C8orf88: variants seen among roughly 807,000 people sequenced by gnomAD.
The protein encoded by C8orf88 is chromosome 8 open reading frame 88.
Under a neutral mutation model 18.4 loss-of-function variants are expected in C8orf88, and 14 were observed. The observed-to-expected ratio is 0.76, with a 90% CI of 0.50 to 1.19. The LOEUF is 1.19. Among genes scored for constraint, C8orf88 ranks in the 50% most tolerant of loss-of-function variants. The pLI is 0.00. For missense variants in C8orf88, 116 were observed against 134.7 expected (o/e 0.86, Z 0.69); for synonymous variants, 45 against 42.9 (o/e 1.05, Z -0.19).
At chr8:90,966,360 G>C (rs1203902442) in intron 4 of C8orf88, among the ~76,000 whole-genome samples, 1 of 114,078 alleles carries the variant, frequency 8.8e-6, no homozygotes, top group Admixed American at 1.0e-4. Flanking sequence ...TTGTGGGGTG[G>C]GGGGAGGGGG....
intron 3 of C8orf88, 97 bp from the exon 4 acceptor site, chr8:90,971,238 A>T (rs1586163012): frequency 1.8e-6 from 1 of 561,180 alleles, no homozygotes. Context: ...TAATAAATGC[A>T]TTTAGTAGGA....
chr8:90,979,824 G>C (rs909763446), intron 2 of C8orf88, among the ~76,000 whole-genome samples: 1 of 152,092 alleles, frequency 6.6e-6, no homozygotes, highest in Admixed American at 6.5e-5. Flanking sequence ...ATAGCTTCAT[G>C]GGCAAAAGAA....
intron 4 of C8orf88, among the ~76,000 whole-genome samples, chr8:90,964,517 A>AT (rs1252179132): frequency 1.8e-4 from 28 of 151,838 alleles, no homozygotes; most frequent in African/African-American, 6.7e-4. Flanking sequence ...GAAATGCTAA[A>AT]GGGAATCCTT....
intron 2 of C8orf88, among the ~76,000 whole-genome samples, chr8:90,979,289 A>AG (rs1224137904): frequency 1.3e-5 from 2 of 152,160 alleles, no homozygotes; most frequent in Admixed American, 1.3e-4. Context: ...GCAGAGATGA[A>AG]GGGGGGTGGG....
At chr8:90,977,978 A>G (rs1461009775) in intron 3 of C8orf88, among the ~76,000 whole-genome samples, 1 of 151,784 alleles carries the variant, frequency 6.6e-6, no homozygotes, top group Non-Finnish European at 1.5e-5. Flanking sequence ...CAAAAGACAG[A>G]GAGAGAAAGA....
upstream of C8orf88, chr8:90,985,267 G>T (rs1811491500): frequency 6.9e-6 from 1 of 144,158 alleles, no homozygotes; most frequent in Admixed American, 6.9e-5. Context: ...GGGGCGGGGG[G>T]CGAGGGGCGG....
intron 4 of C8orf88, among the ~76,000 whole-genome samples, chr8:90,965,090 A>T (rs1053945068): frequency 6.6e-6 from 1 of 151,552 alleles, no homozygotes; most frequent in Admixed American, 6.6e-5. Context: ...AGATTGGTAG[A>T]ATGAATTTTT....
At chr8:90,973,839 T>C (rs184660694) in intron 3 of C8orf88, among the ~76,000 whole-genome samples, 91 of 152,144 alleles carry the variant, frequency 6.0e-4, no homozygotes, top group African/African-American at 1.9e-3. Context: ...CTTAAACAAA[T>C]GTATACCACT....
At chr8:90,962,876 C>G (rs932452459) in intron 4 of C8orf88, among the ~76,000 whole-genome samples, 2 of 151,438 alleles carry the variant, frequency 1.3e-5, no homozygotes, top group Admixed American at 6.6e-5. Context: ...TTGGAGCAAA[C>G]ATTAGGCATA....
chr8:90,977,854 G>A (rs1164923452), intron 3 of C8orf88, among the ~76,000 whole-genome samples: 6 of 152,152 alleles, frequency 3.9e-5, no homozygotes, highest in Non-Finnish European at 8.8e-5. Flanking sequence ...GGCTGAAGCA[G>A]GAGAATCGCT....
chr8:90,963,146 CTTCT>C (rs955672779), intron 4 of C8orf88, among the ~76,000 whole-genome samples: 21 of 151,576 alleles, frequency 1.4e-4, no homozygotes, highest in African/African-American at 5.1e-4. Context: ...GAAAGAGGGG[CTTCT>C]TTGTTTTTCA....
rs1811489554 is a variant in C8orf88 at position 90,985,212 on chromosome 8, G to GCCGCTGGT, written c.-133_-126dup. 1 of 150,034 alleles carries GCCGCTGGT rather than the reference G, an allele frequency of 6.7e-6. No individual in the cohort carries two copies. The highest frequency in any genetic ancestry group is 2.0e-4 in the South Asian group (1 of 5,058). 9.3% of individuals were successfully genotyped at this position (150,034 alleles called of 1,614,324 possible). A position where few individuals can be genotyped will look rare whatever the true frequency, so the allele number is the denominator to read the frequency against. On this transcript the variant is annotated 5_prime_UTR_variant, in exon 1 of 6. Transcript: ENST00000517562. ...TGCTGCCCGTCGGGGAACGGCTCCT[G>GCCGCTGGT]CCGCTGGTCCGCTGGCTGACCGCGG...
At chr8:90,967,571 T>A (rs993591915) in intron 4 of C8orf88, among the ~76,000 whole-genome samples, 1 of 151,848 alleles carries the variant, frequency 6.6e-6, no homozygotes, top group Non-Finnish European at 1.5e-5. Flanking sequence ...GGGAGGTTTT[T>A]AATTACTAAT....
chr8:90,980,227 G>C (rs1312607620), intron 2 of C8orf88, 136 bp downstream of exon 2: 1 of 486,678 alleles, frequency 2.1e-6, no homozygotes, highest in Non-Finnish European at 3.3e-6. Flanking sequence ...TTCTCCTTCA[G>C]TAATACAAAC....
chr8:90,979,088 G>A (rs541271983), intron 2 of C8orf88, among the ~76,000 whole-genome samples: 5 of 152,262 alleles, frequency 3.3e-5, no homozygotes, highest in East Asian at 3.9e-4. Flanking sequence ...GTATGTAAGC[G>A]TGTTAAGAAA....
chr8:90,969,872 G>C (rs545628419), intron 4 of C8orf88, among the ~76,000 whole-genome samples: 25 of 151,692 alleles, frequency 1.6e-4, no homozygotes, highest in Non-Finnish European at 3.2e-4. Context: ...GTCCACTCCG[G>C]AAAAAAAGCT....
chr8:90,978,583 C>T lies in C8orf88; in HGVS notation c.143G>A (p.Ser48Asn), dbSNP rs1166446415. The change falls in exon 3 of 6, where the codon AGC becomes AAC. Residue 48 changes from serine to asparagine, a missense_variant. Ser to Asn is a conservative substitution (Grantham distance 46, BLOSUM62 1). Coordinates refer to ENST00000517562, the MANE Select transcript of C8orf88 (RefSeq NM_001190972.2). ...GTTATAATTTCTAAGACTTACTCTG[C>T]TAACTCCACTTTGTATGCACTGAGT... ...CNTQCIQSGV[S>N]RCKTNGMQAF... 17 of 1,520,964 alleles carry T rather than the reference C, an allele frequency of 1.1e-5. No individual in the cohort carries two copies. Among genetic ancestry groups the T allele is most frequent in the South Asian group, 8.6e-5 (7 of 81,126 alleles). 94.2% of individuals were successfully genotyped at this position (1,520,964 alleles called of 1,614,324 possible). A position where few individuals can be genotyped will look rare whatever the true frequency, so the allele number is the denominator to read the frequency against.
At chr8:90,978,855 A>G (rs1433805686) in intron 2 of C8orf88, among the ~76,000 whole-genome samples, 1 of 152,210 alleles carries the variant, frequency 6.6e-6, no homozygotes, top group Non-Finnish European at 1.5e-5. Context: ...AAAAGAGTTC[A>G]GAGATAAGAG....
At chr8:90,979,640 A>G (rs1004341238) in intron 2 of C8orf88, among the ~76,000 whole-genome samples, 2 of 152,214 alleles carry the variant, frequency 1.3e-5, no homozygotes, top group African/African-American at 4.8e-5. Context: ...TTTCCCATTT[A>G]TAAGTAGTAA....
Sources: gnomAD v4.1 joint callset for allele counts (sites outside exome capture counted in the v4.1 genomes callset) on GRCh38, gnomAD v4.1.1 for gene constraint, MANE v1.5 for transcripts, NCBI Gene and HGNC (gene_info 2026-07-23, HGNC 2026-07-21) for gene names.